The following VPS13B variants were observed in gnomAD, a reference collection of about 807,000 sequenced individuals.
The protein encoded by VPS13B is vacuolar protein sorting 13 homolog B.
In VPS13B, 285 loss-of-function variants were observed where a neutral mutation model predicts 426.4. The observed-to-expected ratio is 0.67, with a 90% CI of 0.61 to 0.74. The LOEUF is 0.74. Ranked by LOEUF, VPS13B falls within the 30% of genes least tolerant of loss-of-function variation. The pLI, the probability that VPS13B is intolerant of heterozygous loss-of-function variation, is 0.00. For synonymous variants in VPS13B, 1,676 were observed against 1,676.4 expected (o/e 1.00, Z 0.01); for missense variants, 4,537 against 4,782.6 (o/e 0.95, Z 1.51).
At chr8:99,046,100 A>G (rs1442257780) in intron 3 of VPS13B, among the ~76,000 whole-genome samples, 2 of 151,906 alleles carry the variant, frequency 1.3e-5, no homozygotes, top group Non-Finnish European at 2.9e-5. Flanking sequence ...TGGCATTTTT[A>G]TGGGAATTGT....
Position 99,820,117 on chromosome 8 carries a change from T to A in VPS13B, c.8989T>A (p.Phe2997Ile). ...PAGKIIIPPNFQEAFQIGIYW... is the reference protein window; with the variant it reads ...PAGKIIIPPNIQEAFQIGIYW... Reference sequence around the variant, plus strand: ...TGGCAAAATTATTATTCCTCCTAATTTTCAGGTACTATAACTTTTTTAACT... The same window carrying A: ...TGGCAAAATTATTATTCCTCCTAATATTCAGGTACTATAACTTTTTTAACT... Residue 2997 changes from phenylalanine (F) to isoleucine (I), a missense_variant, in exon 49 of 62, where the codon TTT (phenylalanine) becomes ATT (isoleucine). Coordinates refer to ENST00000357162, the MANE Select transcript of VPS13B (RefSeq NM_152564.5). 6.2e-7 allele frequency: 1 copy of A among 1,613,658 alleles called. No individual in the cohort carries two copies. The highest frequency in any genetic ancestry group is 8.5e-7 in the Non-Finnish European group (1 of 1,179,704).
chr8:99,303,258 CAAAAAA>C (rs757187342), intron 19 of VPS13B, among the ~76,000 whole-genome samples: 2 of 57,304 alleles, frequency 3.5e-5, no homozygotes, highest in Non-Finnish European at 5.9e-5. Flanking sequence ...CAGCCTGTCT[CAAAAAA>C]AAAAAAAAAA....
intron 2 of VPS13B, among the ~76,000 whole-genome samples, chr8:99,017,902 T>G (rs1841702514): frequency 6.6e-6 from 1 of 152,252 alleles, no homozygotes; most frequent in Admixed American, 6.5e-5. Flanking sequence ...CAATTTTGGA[T>G]GAATTAACAT....
intron 3 of VPS13B, among the ~76,000 whole-genome samples, chr8:99,061,872 G>A (rs1198539342): frequency 6.6e-6 from 1 of 152,018 alleles, no homozygotes; most frequent in African/African-American, 2.4e-5. Context: ...AACTATTACT[G>A]CTTTGAATAA....
intron 52 of VPS13B, among the ~76,000 whole-genome samples, chr8:99,833,535 C>A (rs1815205415): frequency 6.6e-6 from 1 of 152,178 alleles, no homozygotes; most frequent in Non-Finnish European, 1.5e-5. Context: ...GTTCTCCACA[C>A]ATCCCTCCTT....
intron 49 of VPS13B, 132 bp from the exon 50 acceptor site, chr8:99,821,161 CA>C (rs1563491102): frequency 1.8e-5 from 11 of 615,900 alleles, no homozygotes; most frequent in African/African-American, 6.0e-5. Context: ...CACACACACA[CA>C]CACACCATGG....
chr8:99,875,287 T>C, intron 61 of VPS13B, 131 bp from the exon 62 acceptor site: 1 of 1,288,660 alleles, frequency 7.8e-7, no homozygotes, highest in Admixed American at 1.7e-5. Context: ...AAAGGAAACA[T>C]TCTGGATTAA....
intron 33 of VPS13B, among the ~76,000 whole-genome samples, chr8:99,599,504 G>A (rs2133854177): frequency 6.6e-6 from 1 of 152,160 alleles, no homozygotes. Flanking sequence ...TGACAAATGA[G>A]CAGGCTGTTC....
At chr8:99,675,056 G>A (rs966326063) in intron 35 of VPS13B, among the ~76,000 whole-genome samples, 1 of 151,364 alleles carries the variant, frequency 6.6e-6, no homozygotes, top group Non-Finnish European at 1.5e-5. Context: ...AGATGTTGTT[G>A]CGTTATTATC....
At chr8:99,593,408 A>G (rs116976900) in intron 33 of VPS13B, among the ~76,000 whole-genome samples, 2,909 of 152,228 alleles carry the variant, frequency 0.019, 42 homozygotes, top group Non-Finnish European at 0.031. Flanking sequence ...GTCAAAAAAC[A>G]ACAGATGCTT....
intron 17 of VPS13B, among the ~76,000 whole-genome samples, chr8:99,227,941 A>AT (rs1427798803): frequency 1.3e-5 from 2 of 152,040 alleles, no homozygotes; most frequent in Non-Finnish European, 2.9e-5. Flanking sequence ...GCTTATTTTT[A>AT]TTTTTTGATG....
At chr8:99,198,136 G>A (rs181899142) in intron 17 of VPS13B, among the ~76,000 whole-genome samples, 173 of 152,176 alleles carry the variant, frequency 1.1e-3, no homozygotes, top group African/African-American at 3.9e-3. Flanking sequence ...TCTTGTGGCC[G>A]TTATTTTATA....
chr8:99,112,025 T>A (rs971376150), intron 6 of VPS13B, among the ~76,000 whole-genome samples: 1 of 152,166 alleles, frequency 6.6e-6, no homozygotes, highest in Non-Finnish European at 1.5e-5. Flanking sequence ...AGATTTAGCT[T>A]CCACTTCTAA....
chr8:99,193,284 T>G (rs951452660), intron 17 of VPS13B, among the ~76,000 whole-genome samples: 4 of 152,168 alleles, frequency 2.6e-5, no homozygotes, highest in Non-Finnish European at 4.4e-5. Context: ...CAAAAGATTA[T>G]TTTTCACCAG....
chr8:99,334,629 T>C (rs1055668264), intron 19 of VPS13B, among the ~76,000 whole-genome samples: 3 of 152,212 alleles, frequency 2.0e-5, no homozygotes, highest in African/African-American at 7.2e-5. Flanking sequence ...TTTTTGTCTT[T>C]GGTCCTGTTT....
At chr8:99,367,274 A>C (rs998093955) in intron 19 of VPS13B, among the ~76,000 whole-genome samples, 2 of 152,172 alleles carry the variant, frequency 1.3e-5, no homozygotes, top group African/African-American at 4.8e-5. Flanking sequence ...AGGATATACT[A>C]TTCTAGGGTA....
chr8:99,803,742 A>G (rs1813251358), intron 43 of VPS13B, among the ~76,000 whole-genome samples: 1 of 152,198 alleles, frequency 6.6e-6, no homozygotes, highest in South Asian at 2.1e-4. Context: ...AACATATTTC[A>G]TTTTTATGCT....
intron 33 of VPS13B, among the ~76,000 whole-genome samples, chr8:99,621,820 CTTTTTTTT>C (rs749078781): frequency 1.2e-5 from 1 of 83,256 alleles, no homozygotes; most frequent in African/African-American, 4.8e-5. Context: ...TGTTTTGTTT[CTTTTTTTT>C]TTTTTTTTTT....
chr8:99,784,360 A>G lies in VPS13B; in HGVS notation c.7825A>G (p.Ile2609Val). The G allele has an allele frequency of 6.2e-7, 1 of 1,613,700 alleles. No homozygotes were observed. The highest frequency in any genetic ancestry group is 1.1e-5 in the South Asian group (1 of 91,072). ...VEELVFSHFV[I>V]CNDTQETLRF... The stretch of plus-strand genomic sequence containing the variant: ...GGAGTTGGTCTTCAGCCATTTTGTG[A>G]TCTGTAATGACACACAGGAGACACT... Residue 2609 changes from isoleucine to valine, a missense_variant, in exon 43 of 62, where the codon ATC becomes GTC. Ile to Val is a conservative substitution (Grantham distance 29, BLOSUM62 3). Transcript: ENST00000357162.
Sources: gnomAD v4.1 joint callset for allele counts (sites outside exome capture counted in the v4.1 genomes callset) on GRCh38, gnomAD v4.1.1 for gene constraint, MANE v1.5 for transcripts, NCBI Gene and HGNC (gene_info 2026-07-23, HGNC 2026-07-21) for gene names.